FGF12: variants seen among roughly 807,000 people sequenced by gnomAD.
The protein encoded by FGF12 is fibroblast growth factor 12.
In FGF12, 14 loss-of-function variants were observed where a neutral mutation model predicts 23.6. That is an observed-to-expected ratio of 0.59 (90% CI 0.39 to 0.93). The LOEUF is 0.93. Among genes scored for constraint, FGF12 ranks in the 40% least tolerant of loss-of-function variants. The probability of loss-of-function intolerance (pLI) is 0.00; values close to 1 mark genes in which losing one functional copy is unlikely to be tolerated. For missense variants in FGF12, 175 were observed against 217.8 expected (o/e 0.80, Z 1.24); for synonymous variants, 62 against 77.3 (o/e 0.80, Z 1.04).
intron 2 of FGF12, among the ~76,000 whole-genome samples, chr3:192,704,521 G>A (rs1718405133): frequency 6.6e-6 from 1 of 152,130 alleles, no homozygotes; most frequent in Non-Finnish European, 1.5e-5. Flanking sequence ...CTTTCATCAA[G>A]GATTTGTTGT....
intron 2 of FGF12, among the ~76,000 whole-genome samples, chr3:192,595,071 T>C (rs769535134): frequency 2.0e-5 from 3 of 152,240 alleles, no homozygotes; most frequent in Non-Finnish European, 4.4e-5. Context: ...ACAGTTTTGT[T>C]TCCTTGTAGG....
At chr3:192,643,651 A>T (rs941735068) in intron 2 of FGF12, among the ~76,000 whole-genome samples, 1 of 152,148 alleles carries the variant, frequency 6.6e-6, no homozygotes, top group Admixed American at 6.5e-5. Context: ...TGAATTCTTA[A>T]TGAACTTTAT....
At position 192,347,524 on chromosome 3, in the gene FGF12, G is replaced by A. The variant is rs567468514; in HGVS notation, c.125-12060C>T. 2.0e-4 allele frequency among the ~76,000 whole-genome samples: 31 copies of A among 152,202 alleles called. No homozygotes were observed. The South Asian group carries it at 2.7e-3, about 13-fold the overall frequency. ...AGGAGCGGCTGCTGTCTTCCTTTACGTCTCAGTAGGGCTTTTCTGCCCAGA... is the reference window on the plus strand; with the variant it reads ...AGGAGCGGCTGCTGTCTTCCTTTACATCTCAGTAGGGCTTTTCTGCCCAGA... On this transcript the variant is annotated intron_variant, in intron 3 of 5. Coordinates refer to ENST00000445105, the MANE Select transcript of FGF12 (RefSeq NM_004113.6).
At chr3:192,349,393 T>C (rs563215211) in intron 3 of FGF12, among the ~76,000 whole-genome samples, 2 of 152,198 alleles carry the variant, frequency 1.3e-5, no homozygotes, top group East Asian at 3.9e-4. Flanking sequence ...AATACCCTTT[T>C]CCACTACTTC....
intron 2 of FGF12, among the ~76,000 whole-genome samples, chr3:192,672,249 G>A (rs1577112758): frequency 6.6e-6 from 1 of 151,222 alleles, no homozygotes; most frequent in African/African-American, 2.4e-5. Context: ...ACACCTCCCA[G>A]ACCAAATGCT....
chr3:192,727,372 G>C, intron 1 of FGF12, 49 bp from the exon 2 acceptor site: 9 of 1,507,302 alleles, frequency 6.0e-6, no homozygotes, highest in Non-Finnish European at 8.0e-6. Flanking sequence ...AGCCACCAAA[G>C]GACACTTAGG....
chr3:192,237,483 G>A (rs1371198308), intron 4 of FGF12, among the ~76,000 whole-genome samples: 1 of 152,112 alleles, frequency 6.6e-6, no homozygotes, highest in Non-Finnish European at 1.5e-5. Context: ...CGAGTTACAG[G>A]TTTGGTCTCC....
In FGF12 at chr3:192,336,856, A is replaced by G. The variant is rs116161913; in HGVS notation, c.125-1392T>C. On this transcript the variant is annotated intron_variant, in intron 3 of 5. Coordinates refer to ENST00000445105, the MANE Select transcript of FGF12 (RefSeq NM_004113.6). The surrounding 1 kb of genome is among the most constrained non-coding windows in gnomAD (Gnocchi z 4.3). ...AGTCAAATGTTCAATTGACAGTTGT[A>G]GAGGATCAAGTCTTAGACCACAAGT... is the stretch of plus-strand genomic sequence containing the variant. 0.011 allele frequency among the ~76,000 whole-genome samples: 1,654 copies of G among 152,296 alleles called. 27 individuals are homozygous for G. Among genetic ancestry groups the G allele is most frequent in the African/African-American group, 0.038 (1,580 of 41,560 alleles).
At chr3:192,400,948 T>C (rs2108770482) in intron 2 of FGF12, among the ~76,000 whole-genome samples, 1 of 152,308 alleles carries the variant, frequency 6.6e-6, no homozygotes, top group East Asian at 1.9e-4. Context: ...AACTTTTTGT[T>C]TTCAGGATCC....
At chr3:192,321,709 A>G (rs2108682545) in intron 4 of FGF12, among the ~76,000 whole-genome samples, 1 of 152,274 alleles carries the variant, frequency 6.6e-6, no homozygotes, top group Admixed American at 6.5e-5. Context: ...AGAATGAAGA[A>G]CAGAAATCAT....
chr3:192,366,664 C>A (rs1718998866), intron 2 of FGF12, among the ~76,000 whole-genome samples: 1 of 151,972 alleles, frequency 6.6e-6, no homozygotes, highest in South Asian at 2.1e-4. Flanking sequence ...AGAGTACTGG[C>A]AAAACAGGAA....
intron 2 of FGF12, among the ~76,000 whole-genome samples, chr3:192,414,894 C>G (rs1458197541): frequency 1.3e-5 from 2 of 152,104 alleles, no homozygotes; most frequent in East Asian, 3.8e-4. Flanking sequence ...GAAGCTCTTT[C>G]CTTTTTCTAG....
At chr3:192,442,619 G>A (rs1478309283) in intron 2 of FGF12, among the ~76,000 whole-genome samples, 1 of 152,122 alleles carries the variant, frequency 6.6e-6, no homozygotes, top group African/African-American at 2.4e-5. Context: ...AAAGAAATGT[G>A]AATATCATCA....
At chr3:192,261,800 C>T (rs1194485180) in intron 4 of FGF12, among the ~76,000 whole-genome samples, 1 of 152,098 alleles carries the variant, frequency 6.6e-6, no homozygotes, top group African/African-American at 2.4e-5. Context: ...AAACTCAATA[C>T]GTGTTATCTC....
At chr3:192,423,314 C>T (rs547360222) in intron 2 of FGF12, among the ~76,000 whole-genome samples, 1 of 152,082 alleles carries the variant, frequency 6.6e-6, no homozygotes, top group African/African-American at 2.4e-5. Flanking sequence ...AAAATACCAA[C>T]CTCTGATTTT....
In FGF12 at chr3:192,141,128, C is replaced by CAAAAAAAAAAAAAA. The variant is rs56933017; in HGVS notation, c.*2867_*2880dup. On this transcript the variant is annotated 3_prime_UTR_variant, in exon 6 of 6. Coordinates refer to ENST00000445105, the MANE Select transcript of FGF12 (RefSeq NM_004113.6). ...CCTGGGAAAAATCCCAATGCAACTC[C>CAAAAAAAAAAAAAA]AAAAAAAAAAAAAAAAAAAAAAAAA... 2.4e-5 allele frequency: 1 copy of CAAAAAAAAAAAAAA among 41,242 alleles called. No individual in the cohort carries two copies. The highest frequency in any genetic ancestry group is 1.0e-4 in the African/African-American group (1 of 9,850). The allele number at this position is 41,242 out of a possible 1,614,324, so 2.6% of individuals were successfully genotyped here.
chr3:192,510,291 C>A (rs1295880551), intron 2 of FGF12, among the ~76,000 whole-genome samples: 2 of 152,180 alleles, frequency 1.3e-5, no homozygotes, highest in African/African-American at 4.8e-5. Flanking sequence ...GAGAAATGAA[C>A]AACCTGATTT....
chr3:192,727,458 T>G, intron 1 of FGF12, 26 bp downstream of exon 1: 1 of 805,668 alleles, frequency 1.2e-6, no homozygotes, highest in Non-Finnish European at 1.8e-6. Context: ...CAGTGCCCGC[T>G]CAGATTTTTT....
chr3:192,488,355 T>C (rs1196639994), intron 2 of FGF12, among the ~76,000 whole-genome samples: 2 of 152,088 alleles, frequency 1.3e-5, no homozygotes, highest in African/African-American at 2.4e-5. Context: ...TACCTAAATA[T>C]TGCTTAACCC....
Sources: allele counts gnomAD v4.1 joint callset (sites outside exome capture counted in the v4.1 genomes callset), GRCh38; gene constraint gnomAD v4.1.1; non-coding constraint Gnocchi (gnomAD v3.1); transcripts MANE v1.5; gene names NCBI Gene and HGNC (gene_info 2026-07-23, HGNC 2026-07-21).